GLI2: variants seen among roughly 807,000 people sequenced by gnomAD.
GLI2 encodes transcription activator GLI2.
Under a neutral mutation model 78.9 loss-of-function variants are expected in GLI2, and 22 were observed. The ratio of observed to expected loss-of-function variants is 0.28; its 90% CI spans 0.20 to 0.40. The LOEUF (loss-of-function observed/expected upper bound fraction) is 0.40. Among genes scored for constraint, GLI2 ranks in the 10% least tolerant of loss-of-function variants. The probability of loss-of-function intolerance (pLI) is 1.00; values close to 1 mark genes in which losing one functional copy is unlikely to be tolerated. For synonymous variants in GLI2, 974 were observed against 963.7 expected (o/e 1.01, Z -0.20); for missense variants, 2,097 against 2,213.2 (o/e 0.95, Z 1.05).
chr2:120,849,540 C>T (rs1687303669), intron 2 of GLI2, among the ~76,000 whole-genome samples: 1 of 152,128 alleles, frequency 6.6e-6, no homozygotes, highest in Admixed American at 6.6e-5. Flanking sequence ...CCAGGGCAGA[C>T]CCTGTGAGTA....
intron 1 of GLI2, among the ~76,000 whole-genome samples, chr2:120,782,103 A>G (rs892877058): frequency 2.6e-5 from 4 of 152,244 alleles, no homozygotes; most frequent in African/African-American, 9.6e-5. Context: ...AAATAGGCAC[A>G]GTACTGTCCC....
chr2:120,854,817 CA>C (rs1441318794), intron 2 of GLI2, among the ~76,000 whole-genome samples: 6 of 152,352 alleles, frequency 3.9e-5, no homozygotes, highest in Middle Eastern at 3.4e-3. Context: ...GTTTCTGACT[CA>C]GTAGGCCTGC....
chr2:120,817,367 G>A (rs1685546357), intron 2 of GLI2, among the ~76,000 whole-genome samples: 1 of 152,218 alleles, frequency 6.6e-6, no homozygotes, highest in Admixed American at 6.5e-5. Flanking sequence ...AGCAGGCCAT[G>A]CTCACTGCCC....
chr2:120,772,539 C>T (rs1444548935), intron 1 of GLI2, among the ~76,000 whole-genome samples: 2 of 152,228 alleles, frequency 1.3e-5, no homozygotes, highest in African/African-American at 2.4e-5. Flanking sequence ...GCTGCCCACT[C>T]CTGGCTGAGT....
intron 2 of GLI2, among the ~76,000 whole-genome samples, chr2:120,921,831 C>A (rs911185759): frequency 6.6e-6 from 1 of 152,194 alleles, no homozygotes; most frequent in Non-Finnish European, 1.5e-5. Context: ...GACCTTCTCT[C>A]CTGCCTTTCC....
At chr2:120,778,353 C>A (rs1683743438) in intron 1 of GLI2, among the ~76,000 whole-genome samples, 1 of 152,216 alleles carries the variant, frequency 6.6e-6, no homozygotes, top group Non-Finnish European at 1.5e-5. Flanking sequence ...TCCCTCCTTT[C>A]CTGTGACTCA....
At chr2:120,959,080 C>T (rs572333441) in intron 5 of GLI2, among the ~76,000 whole-genome samples, 1 of 152,288 alleles carries the variant, frequency 6.6e-6, no homozygotes, top group African/African-American at 2.4e-5. Flanking sequence ...TGGGGAGCAA[C>T]TTTGCCTTCC....
chr2:120,953,132 G>A (rs1681076637), intron 4 of GLI2, among the ~76,000 whole-genome samples: 1 of 152,220 alleles, frequency 6.6e-6, no homozygotes, highest in Non-Finnish European at 1.5e-5. Context: ...ATGTCATTAA[G>A]TTAGGTCTCT....
At chr2:120,975,845 C>T (rs563333705) in intron 9 of GLI2, among the ~76,000 whole-genome samples, 1 of 152,344 alleles carries the variant, frequency 6.6e-6, no homozygotes, top group African/African-American at 2.4e-5. Context: ...CCCACCACAA[C>T]CAGCTGAGTG....
At chr2:120,834,418 C>G (rs1007153101) in intron 2 of GLI2, among the ~76,000 whole-genome samples, 6 of 152,148 alleles carry the variant, frequency 3.9e-5, no homozygotes, top group Non-Finnish European at 8.8e-5. Flanking sequence ...AGACCTGGCC[C>G]TGGGGTGTTA....
intron 2 of GLI2, among the ~76,000 whole-genome samples, chr2:120,824,198 G>A (rs147938770): frequency 3.9e-5 from 6 of 152,312 alleles, no homozygotes; most frequent in East Asian, 1.9e-4. Context: ...CCCACATCAC[G>A]TAGCTGGTGG....
rs571924564 is a variant in GLI2, at chr2:120,783,971, C to T, written c.-30-13320C>T. On this transcript the variant is annotated intron_variant, in intron 1 of 13. Coordinates refer to ENST00000361492, the MANE Select transcript of GLI2 (RefSeq NM_001374353.1). ...CTGGCACCTTCCAAGATACCAGCGA[C>T]GAGCTAGGCTGCGGCTTCGGCTTCG... 7.9e-5 allele frequency among the ~76,000 whole-genome samples: 12 copies of T among 152,260 alleles called. No individual in the cohort carries two copies. In the South Asian group the frequency reaches 2.5e-3, roughly 32 times the overall value.
chr2:120,927,317 G>A, intron 2 of GLI2, 44 bp from the exon 3 acceptor site: 2 of 1,368,222 alleles, frequency 1.5e-6, no homozygotes, highest in Non-Finnish European at 2.1e-6. Flanking sequence ...TTTTGAGGGA[G>A]GGGGAAAGTT....
rs547156148 is a variant in GLI2 at position 120,801,952 on chromosome 2, T to C, written c.148+4484T>C. ...TTTTAGATTGTTATTTAGATTGCTG[T>C]TAGACTTGGGCCTTAATTTAGGTCC... On this transcript the variant is annotated intron_variant, in intron 2 of 13. Transcript: ENST00000361492. 2.0e-5 allele frequency among the ~76,000 whole-genome samples: 3 copies of C among 152,360 alleles called. No individual in the cohort carries two copies. In the South Asian group the frequency reaches 6.2e-4, roughly 32 times the overall value.
chr2:120,940,480 C>T (rs921445120), intron 3 of GLI2, among the ~76,000 whole-genome samples: 12 of 152,170 alleles, frequency 7.9e-5, no homozygotes, highest in African/African-American at 2.9e-4. Context: ...AGTCTGGGCA[C>T]AGTTCAGATG....
intron 3 of GLI2, among the ~76,000 whole-genome samples, chr2:120,942,034 C>A (rs767584278): frequency 6.6e-6 from 1 of 152,184 alleles, no homozygotes; most frequent in Non-Finnish European, 1.5e-5. Context: ...TCTACTGGAA[C>A]CTGGTTATTC....
At chr2:120,928,616 A>G (rs1282442618) in intron 3 of GLI2, among the ~76,000 whole-genome samples, 2 of 152,004 alleles carry the variant, frequency 1.3e-5, no homozygotes, top group Admixed American at 6.5e-5. Flanking sequence ...ACCATCTCCC[A>G]TCCCAGTGAA....
At chr2:120,957,169 G>A (rs758974239) in intron 5 of GLI2, among the ~76,000 whole-genome samples, 14 of 152,124 alleles carry the variant, frequency 9.2e-5, no homozygotes, top group Admixed American at 2.0e-4. Context: ...TATGGTCCTC[G>A]CCAGGCCCTG....
chr2:120,797,545 GC>G, intron 2 of GLI2, 77 bp downstream of exon 2: 1 of 1,409,572 alleles, frequency 7.1e-7, no homozygotes, highest in Non-Finnish European at 1.0e-6. Context: ...TAGAGTGGTG[GC>G]CCATGTCGTC....
Sources: allele counts gnomAD v4.1 joint callset (sites outside exome capture counted in the v4.1 genomes callset), GRCh38; gene constraint gnomAD v4.1.1; transcripts MANE v1.5; gene names NCBI Gene and HGNC (gene_info 2026-07-23, HGNC 2026-07-21).